Variants in STON1 observed in about 807,000 individuals in gnomAD.
STON1 encodes stonin-1.
A neutral mutation model predicts 60.9 loss-of-function variants in STON1; 79 were observed. That is an observed-to-expected ratio of 1.30 (90% CI 1.08 to 1.56). The LOEUF is 1.56. Among genes scored for constraint, STON1 ranks in the 40% most tolerant of loss-of-function variants. The pLI is 0.00. For missense variants in STON1, 1,166 were observed against 858.9 expected (o/e 1.36, Z -4.47); for synonymous variants, 363 against 306.9 (o/e 1.18, Z -1.91).
intron 1 of STON1, among the ~76,000 whole-genome samples, chr2:48,579,236 C>G (rs1208195408): frequency 6.6e-6 from 1 of 151,860 alleles, no homozygotes; most frequent in Non-Finnish European, 1.5e-5. Flanking sequence ...AACTCCTGAC[C>G]TCAGGTGATC....
At chr2:48,555,609 A>C (rs1443592275) in intron 1 of STON1, among the ~76,000 whole-genome samples, 1 of 31,142 alleles carries the variant, frequency 3.2e-5, no homozygotes, top group African/African-American at 1.4e-4. Flanking sequence ...TGACCCCCCC[A>C]CCTCCCTCCC....
At chr2:48,578,851 A>T (rs1424964818) in intron 1 of STON1, among the ~76,000 whole-genome samples, 2 of 151,818 alleles carry the variant, frequency 1.3e-5, no homozygotes, top group African/African-American at 4.8e-5. Flanking sequence ...TTGGCCTCCC[A>T]AAGTGCTGGG....
At chr2:48,564,493 TTCTTCTTCTTC>T (rs1672800961) in intron 1 of STON1, among the ~76,000 whole-genome samples, 1 of 21,240 alleles carries the variant, frequency 4.7e-5, no homozygotes, top group African/African-American at 2.1e-4. Flanking sequence ...CTTCTTCTTC[TTCTTCTTCTTC>T]TTCTTCTTCT....
At chr2:48,567,563 C>T (rs1673000906) in intron 1 of STON1, among the ~76,000 whole-genome samples, 2 of 152,186 alleles carry the variant, frequency 1.3e-5, no homozygotes, top group Non-Finnish European at 2.9e-5. Flanking sequence ...AGGCGCCCAC[C>T]ACCGTGCCCG....
rs1298619227 is a variant in STON1, at chr2:48,596,691, A to G, written c.*1389A>G. 1 of 152,116 alleles carries G rather than the reference A, an allele frequency of 6.6e-6. No individual in the cohort carries two copies. Among genetic ancestry groups the G allele is most frequent in the African/African-American group, 2.4e-5 (1 of 41,402 alleles). The allele number at this position is 152,116 out of a possible 1,614,324, so 9.4% of individuals were successfully genotyped here. A position where few individuals can be genotyped will look rare whatever the true frequency, so the allele number is the denominator to read the frequency against. On this transcript the variant is annotated 3_prime_UTR_variant, in exon 4 of 4. Coordinates refer to ENST00000404752, the MANE Select transcript of STON1 (RefSeq NM_006873.4). ...TCATGTGTTTTTTTTAATATTTAAT[A>G]TTATATTACATTCATTGAAATCTGT...
In STON1 at chr2:48,581,847, A is replaced by G; in HGVS notation, c.1214A>G (p.Lys405Arg). The G allele has an allele frequency of 1.2e-6, 2 of 1,614,200 alleles. No individual in the cohort carries two copies. The highest frequency in any genetic ancestry group is 1.7e-6 in the Non-Finnish European group (2 of 1,180,038). The change falls in exon 2 of 4, where the codon AAA (lysine) becomes AGA (arginine). Residue 405 changes from lysine to arginine, a missense_variant. By Grantham distance (26) the Lys-to-Arg change is conservative. Transcript: ENST00000404752. The part of the protein sequence containing the change: ...EELMKLPAVS[K>R]PKKNYEEQEI... ...CTGATGAAGTTGCCAGCTGTTTCAAAACCAAAAAAGAACTACGAGGAGCAA... is the reference window on the plus strand; with the variant it reads ...CTGATGAAGTTGCCAGCTGTTTCAAGACCAAAAAAGAACTACGAGGAGCAA...
Position 48,582,568 on chromosome 2 carries a change from A to G in STON1, c.1930+5A>G, listed in dbSNP as rs750939307. ...GGCTTCCAGACAAAAATTCAAGTAA[A>G]TATTCAACACCCCAAGTTTATTTTC... On this transcript the variant is annotated splice_donor_5th_base_variant and intron_variant, in intron 2 of 3. Transcript: ENST00000404752. 1.2e-6 allele frequency: 2 copies of G among 1,603,990 alleles called. No homozygotes were observed. Among genetic ancestry groups the G allele is most frequent in the African/African-American group, 2.7e-5 (2 of 74,388 alleles).
intron 1 of STON1, among the ~76,000 whole-genome samples, chr2:48,544,037 T>C (rs1671762939): frequency 6.6e-6 from 1 of 152,204 alleles, no homozygotes; most frequent in Non-Finnish European, 1.5e-5. Flanking sequence ...TTACAAGACC[T>C]AAAATCTGCC....
chr2:48,541,539 A>G (rs1365805357), intron 1 of STON1, among the ~76,000 whole-genome samples: 2 of 149,946 alleles, frequency 1.3e-5, no homozygotes, highest in East Asian at 3.9e-4. Context: ...AAAAAAAAAA[A>G]AAATACAAAA....
At chr2:48,579,909 AATATATATATATTTTCAG>A (rs1183358732) in intron 1 of STON1, among the ~76,000 whole-genome samples, 1 of 151,856 alleles carries the variant, frequency 6.6e-6, no homozygotes, top group East Asian at 1.9e-4. Flanking sequence ...TGGATATATA[AATATATATATATTTTCAG>A]ATGGAGTTTC....
intron 3 of STON1, among the ~76,000 whole-genome samples, chr2:48,592,142 G>A (rs1226980889): frequency 1.3e-5 from 2 of 152,056 alleles, no homozygotes; most frequent in African/African-American, 4.8e-5. Context: ...TATGATGTTA[G>A]GACACCATTT....
At chr2:48,580,454 G>GT (rs11313336) in intron 1 of STON1, 133 bp from the exon 2 acceptor site, 5,393 of 848,132 alleles carry the variant, frequency 6.4e-3, no homozygotes, top group Middle Eastern at 8.3e-3. Flanking sequence ...GTTGGATCAT[G>GT]TTTTTTTTTT....
intron 1 of STON1, among the ~76,000 whole-genome samples, chr2:48,574,864 A>G (rs1673391621): frequency 6.6e-6 from 1 of 152,258 alleles, no homozygotes. Flanking sequence ...CAATTGTGGT[A>G]AATGAAACTA....
At chr2:48,576,943 A>G (rs1673544337) in intron 1 of STON1, among the ~76,000 whole-genome samples, 1 of 151,648 alleles carries the variant, frequency 6.6e-6, no homozygotes, top group South Asian at 2.1e-4. Context: ...AGTCCCAGCT[A>G]CTTGGGAGGC....
At chr2:48,550,575 T>A (rs980417740) in intron 1 of STON1, among the ~76,000 whole-genome samples, 2 of 145,908 alleles carry the variant, frequency 1.4e-5, no homozygotes, top group Non-Finnish European at 3.0e-5. Context: ...ATATATATAT[T>A]ATATATATAT....
intron 2 of STON1, among the ~76,000 whole-genome samples, chr2:48,587,418 A>C (rs1674273422): frequency 6.6e-6 from 1 of 152,088 alleles, no homozygotes; most frequent in Admixed American, 6.6e-5. Flanking sequence ...TCAGCCTCCC[A>C]AGTAGCTGGG....
intron 1 of STON1, among the ~76,000 whole-genome samples, chr2:48,556,976 A>G (rs1572943911): frequency 2.5e-5 from 1 of 40,488 alleles, no homozygotes; most frequent in Non-Finnish European, 4.9e-5. Flanking sequence ...CGGGGGGCTG[A>G]CCCCCCCACC....
At chr2:48,533,439 A>C (rs1239934378) in intron 1 of STON1, among the ~76,000 whole-genome samples, 1 of 151,868 alleles carries the variant, frequency 6.6e-6, no homozygotes, top group East Asian at 2.0e-4. Flanking sequence ...CTGTAATCCC[A>C]ACATTTTGGG....
At chr2:48,545,326 C>G (rs1461321382) in intron 1 of STON1, among the ~76,000 whole-genome samples, 1 of 152,126 alleles carries the variant, frequency 6.6e-6, no homozygotes, top group Non-Finnish European at 1.5e-5. Flanking sequence ...TTCAACAGCC[C>G]CTGCTTGTCG....
Sources: allele counts gnomAD v4.1 joint callset (sites outside exome capture counted in the v4.1 genomes callset), GRCh38; gene constraint gnomAD v4.1.1; transcripts MANE v1.5; gene names NCBI Gene and HGNC (gene_info 2026-07-23, HGNC 2026-07-21).